CENPE: variants seen among roughly 807,000 people sequenced by gnomAD.
CENPE encodes centromere protein E.
A neutral mutation model predicts 336.1 loss-of-function variants in CENPE; 145 were observed. The observed-to-expected ratio is 0.43, with a 90% CI of 0.38 to 0.50. The LOEUF (loss-of-function observed/expected upper bound fraction) is 0.50, where lower values mean the gene tolerates loss of function less well. Among genes scored for constraint, CENPE ranks in the 20% least tolerant of loss-of-function variants. CENPE has a pLI of 0.00. For missense variants in CENPE, 2,719 were observed against 3,023.3 expected (o/e 0.90, Z 2.36); for synonymous variants, 1,013 against 984.8 (o/e 1.03, Z -0.54).
intron 8 of CENPE, among the ~76,000 whole-genome samples, chr4:103,191,697 T>C (rs1055143548): frequency 2.0e-5 from 3 of 151,422 alleles, no homozygotes; most frequent in South Asian, 4.2e-4. Context: ...CTAATGTAAA[T>C]GACGAGTTAA....
In CENPE at chr4:103,141,231, G is replaced by C. The variant is rs138381749; in HGVS notation, c.5464-127C>G. The C allele has an allele frequency of 2.5e-4, 147 of 598,044 alleles. No homozygotes were observed. In the East Asian group the frequency reaches 4.2e-3, roughly 17 times the overall value. The allele number at this position is 598,044 out of a possible 1,614,324, so 37.0% of individuals were successfully genotyped here. ...CTGATATCCTGCACAATTCCACACAGAATTTTACTTTCTTTTGAGGTATAA... is the reference window on the plus strand; with the variant it reads ...CTGATATCCTGCACAATTCCACACACAATTTTACTTTCTTTTGAGGTATAA... On this transcript the variant is annotated intron_variant, in intron 35 of 48. Coordinates refer to ENST00000265148, the MANE Select transcript of CENPE (RefSeq NM_001813.3).
In CENPE at chr4:103,140,863, T is replaced by C. The variant is rs1174904914; in HGVS notation, c.5705A>G (p.Lys1902Arg). 5 of 1,607,400 alleles carry C rather than the reference T, an allele frequency of 3.1e-6. No individual in the cohort carries two copies. In the African/African-American group the frequency reaches 5.4e-5, roughly 17 times the overall value. Residue 1902 changes from lysine (K) to arginine (R), a missense_variant, in exon 36 of 49, where the codon AAA becomes AGA. By Grantham distance (26) the Lys-to-Arg change is conservative. This residue lies in a region of CENPE where 2,437 missense variants were observed against 2,513.3 expected (regional missense o/e 0.97). Coordinates refer to ENST00000265148, the MANE Select transcript of CENPE (RefSeq NM_001813.3). The stretch of plus-strand genomic sequence containing the variant: ...TTCCTTGAGTTGGTCTCTCTCCAGT[T>C]TGAGTGTCTCCTCTACTCTTCTTAG... Reference protein sequence around the residue: ...DNLRRVEETLKLERDQLKESL... With the variant: ...DNLRRVEETLRLERDQLKESL...
At chr4:103,183,432 C>G (rs1756486711) in intron 9 of CENPE, 144 bp from the exon 10 acceptor site, 3 of 580,090 alleles carry the variant, frequency 5.2e-6, no homozygotes, top group Non-Finnish European at 9.0e-6. Context: ...TCTTTAATAT[C>G]AGTGGTAGAA....
chr4:103,139,812 T>A lies in CENPE; in HGVS notation c.6181A>T (p.Thr2061Ser). 6.2e-7 allele frequency: 1 copy of A among 1,610,330 alleles called. No individual in the cohort carries two copies. The highest frequency in any genetic ancestry group is 8.5e-7 in the Non-Finnish European group (1 of 1,178,704). ...LKMERDQFIA[T>S]LREMIARDRQ... Reference sequence around the variant, plus strand: ...ACTCTAGCTATCATTTCCCTTAAGGTTGCTATGAATTGGTCCCTTTCCATT... The same window carrying A: ...ACTCTAGCTATCATTTCCCTTAAGGATGCTATGAATTGGTCCCTTTCCATT... The change falls in exon 38 of 49, where the codon ACC becomes TCC. Residue 2061 changes from threonine to serine, a missense_variant. By Grantham distance (58) the Thr-to-Ser change is moderately conservative (BLOSUM62 1). Transcript: ENST00000265148.
chr4:103,123,008 T>C lies in CENPE; in HGVS notation c.7006A>G (p.Lys2336Glu), dbSNP rs1233024384. The change falls in exon 43 of 49, where the codon AAA (lysine) becomes GAA (glutamate). Residue 2336 changes from lysine (K) to glutamate (E), a missense_variant. Lys to Glu is a moderately conservative substitution (Grantham distance 56). Around this residue, in one of 5 missense-constraint regions of CENPE, gnomAD observed 2,437 missense variants for 2,513.3 expected, o/e 0.97. Transcript: ENST00000265148. ...TTAAATAGTTTTTCATTTTTCTCTT[T>C]CAGTGATTTCAGGTCCTGTTCCCAC... The part of the protein sequence containing the change: ...KEWEQDLKSL[K>E]EKNEKLFKNY... 6.2e-7 allele frequency: 1 copy of C among 1,613,964 alleles called. No homozygotes were observed. Among genetic ancestry groups the C allele is most frequent in the Non-Finnish European group, 8.5e-7 (1 of 1,179,852 alleles).
At chr4:103,146,906 CACTCAAAT>C (rs1187298839) in intron 29 of CENPE, among the ~76,000 whole-genome samples, 1 of 152,080 alleles carries the variant, frequency 6.6e-6, no homozygotes, top group African/African-American at 2.4e-5. Flanking sequence ...TTAAAATACA[CACTCAAAT>C]CAATAAGATT....
chr4:103,167,291 T>C (rs984599456), intron 16 of CENPE, among the ~76,000 whole-genome samples: 16 of 152,054 alleles, frequency 1.1e-4, no homozygotes, highest in Non-Finnish European at 1.2e-4. Context: ...AAATGTAATA[T>C]ACAAACTATA....
chr4:103,133,876 A>G lies in CENPE; in HGVS notation c.6539T>C (p.Val2180Ala), dbSNP rs1751833604. Residue 2180 changes from valine to alanine, a missense_variant, in exon 41 of 49, where the codon GTT (valine) becomes GCT (alanine). Val to Ala is a moderately conservative substitution (Grantham distance 64). Around this residue, in one of 5 missense-constraint regions of CENPE, gnomAD observed 2,437 missense variants for 2,513.3 expected, o/e 0.97. Coordinates refer to ENST00000265148, the MANE Select transcript of CENPE (RefSeq NM_001813.3). ...MKKLKYVLSYVTKIKEEQHES... is the reference protein window; with the variant it reads ...MKKLKYVLSYATKIKEEQHES... ...ATGTTGTTCTTCTTTTATTTTTGTAACATAGCTTAACACATACTTGCAGAA... is the reference window on the plus strand; with the variant it reads ...ATGTTGTTCTTCTTTTATTTTTGTAGCATAGCTTAACACATACTTGCAGAA... 6.3e-7 allele frequency: 1 copy of G among 1,578,426 alleles called. No individual in the cohort carries two copies. The highest frequency in any genetic ancestry group is 1.3e-5 in the African/African-American group (1 of 74,234).
chr4:103,132,700 C>A lies in CENPE; in HGVS notation c.6917G>T (p.Arg2306Ile). ...GCAAAAAGTAATACTTACAATTATT[C>A]TGTTATTAAAGAAGTTATTCACTTG... ...ICQVNNFFNN[R>I]IIAIMNESTE... The change falls in exon 42 of 49, where the codon AGA becomes ATA. Residue 2306 changes from arginine (R) to isoleucine (I), a missense_variant. Physicochemically the swap from Arg to Ile is moderately conservative, Grantham distance 97 (BLOSUM62 -3). This residue lies in a region of CENPE where 2,437 missense variants were observed against 2,513.3 expected (regional missense o/e 0.97). Transcript: ENST00000265148. 1 of 1,491,134 alleles carries A rather than the reference C, an allele frequency of 6.7e-7. No individual in the cohort carries two copies. Among genetic ancestry groups the A allele is most frequent in the South Asian group, 1.2e-5 (1 of 82,834 alleles). The allele number at this position is 1,491,134 out of a possible 1,614,324, so 92.4% of individuals were successfully genotyped here. A position where few individuals can be genotyped will look rare whatever the true frequency, so the allele number is the denominator to read the frequency against.
intron 16 of CENPE, 94 bp downstream of exon 16, chr4:103,174,642 A>T (rs960516730): frequency 1.2e-6 from 1 of 848,602 alleles, no homozygotes; most frequent in Non-Finnish European, 1.7e-6. Flanking sequence ...CTGTACATTT[A>T]AAAAAAATTA....
rs1249735611 is a variant in CENPE at position 103,146,120 on chromosome 4, A to G, written c.4135-13T>C. ...GAGACTCCTGGATCTTAAGAGAATC[A>G]TAAAACAGTACAGTTGATATCCAGA... On this transcript the variant is annotated splice_polypyrimidine_tract_variant and intron_variant, in intron 29 of 48. Coordinates refer to ENST00000265148, the MANE Select transcript of CENPE (RefSeq NM_001813.3). 6.2e-7 allele frequency: 1 copy of G among 1,608,194 alleles called. No individual in the cohort carries two copies. The highest frequency in any genetic ancestry group is 1.1e-5 in the South Asian group (1 of 90,246).
chr4:103,176,763 T>C, intron 14 of CENPE, 136 bp downstream of exon 14: 1 of 633,064 alleles, frequency 1.6e-6, no homozygotes. Context: ...TTTTAAATCA[T>C]AGTCTCCATT....
At position 103,143,260 on chromosome 4, in the gene CENPE, G is replaced by C; in HGVS notation, c.5292C>G (p.Ala1764=). 6.3e-7 allele frequency: 1 copy of C among 1,586,896 alleles called. No homozygotes were observed. Among genetic ancestry groups the C allele is most frequent in the Non-Finnish European group, 8.6e-7 (1 of 1,169,394 alleles). The change falls in exon 34 of 49, where the codon GCC becomes GCG. Residue 1764 remains alanine, a synonymous_variant. Transcript: ENST00000265148. ...MQKDLEHSND[A]LKAQDLKIQE... ...AAAAATAAAATACCTGTGCTTTTAA[G>C]GCATCATTTGAGTGTTCTAAGTCCT... is the stretch of plus-strand genomic sequence containing the variant.
chr4:103,136,278 C>T lies in CENPE; in HGVS notation c.6385G>A (p.Glu2129Lys), dbSNP rs924177573. The T allele has an allele frequency of 1.9e-6, 3 of 1,613,410 alleles. No individual in the cohort carries two copies. Among genetic ancestry groups the T allele is most frequent in the Non-Finnish European group, 2.5e-6 (3 of 1,179,752 alleles). ...RLSLDLEKEI[E>K]FQKELSMRVK... ...CTCATTGAAAGCTCTTTTTGGAATT[C>T]AATTTCCTTCTCCAAGTCAAGAGAC... is the stretch of plus-strand genomic sequence containing the variant. The change falls in exon 40 of 49, where the codon GAA becomes AAA. Residue 2129 changes from glutamate (E) to lysine (K), a missense_variant. Glu to Lys is a moderately conservative substitution (Grantham distance 56). Coordinates refer to ENST00000265148, the MANE Select transcript of CENPE (RefSeq NM_001813.3).
At position 103,187,576 on chromosome 4, in the gene CENPE, T is replaced by C. The variant is rs374681498; in HGVS notation, c.694-1715A>G. On this transcript the variant is annotated intron_variant, in intron 8 of 48. Transcript: ENST00000265148. ...CTTCATAAGTGAAGGAGAAATAAAA[T>C]ACTTTACAGACAAGCAAATGCTGAG... 4.6e-5 allele frequency among the ~76,000 whole-genome samples: 7 copies of C among 152,250 alleles called. No homozygotes were observed. The East Asian group carries it at 1.2e-3, about 25-fold the overall frequency.
intron 4 of CENPE, 55 bp from the exon 5 acceptor site, chr4:103,195,288 T>C: frequency 1.4e-6 from 2 of 1,473,614 alleles, no homozygotes; most frequent in Non-Finnish European, 1.8e-6. Flanking sequence ...TGTGAAAACC[T>C]AATGCTAAAT....
Position 103,106,172 on chromosome 4 carries a change from C to A in CENPE, c.*50G>T. 2 of 1,289,486 alleles carry A rather than the reference C, an allele frequency of 1.6e-6. No individual in the cohort carries two copies. Among genetic ancestry groups the A allele is most frequent in the South Asian group, 3.2e-5 (2 of 62,994 alleles). The allele number at this position is 1,289,486 out of a possible 1,614,324, so 79.9% of individuals were successfully genotyped here. A position where few individuals can be genotyped will look rare whatever the true frequency, so the allele number is the denominator to read the frequency against. ...CCAGGGATAGACACATAAACAAAGT[C>A]ATTTCCAAATAAGGAATGCTGGATC... is the stretch of plus-strand genomic sequence containing the variant. On this transcript the variant is annotated 3_prime_UTR_variant, in exon 49 of 49. Coordinates refer to ENST00000265148, the MANE Select transcript of CENPE (RefSeq NM_001813.3).
In CENPE at chr4:103,105,911, G is replaced by T; in HGVS notation, c.*311C>A. The stretch of plus-strand genomic sequence containing the variant: ...TATATTAATGTATGTATTATGCTTT[G>T]GAATATGCTAAGTCATGTAGATAAC... On this transcript the variant is annotated 3_prime_UTR_variant, in exon 49 of 49. Coordinates refer to ENST00000265148, the MANE Select transcript of CENPE (RefSeq NM_001813.3). 1 of 185,608 alleles carries T rather than the reference G, an allele frequency of 5.4e-6. No homozygotes were observed. The allele number at this position is 185,608 out of a possible 1,614,324, so 11.5% of individuals were successfully genotyped here. A position where few individuals can be genotyped will look rare whatever the true frequency, so the allele number is the denominator to read the frequency against.
chr4:103,167,828 A>T (rs1430619821), intron 16 of CENPE, among the ~76,000 whole-genome samples: 1 of 152,136 alleles, frequency 6.6e-6, no homozygotes, highest in Non-Finnish European at 1.5e-5. Context: ...TCTGCAACCA[A>T]AACTATCTGT....
Sources: gnomAD v4.1 joint callset for allele counts (sites outside exome capture counted in the v4.1 genomes callset) on GRCh38, gnomAD v4.1.1 for gene constraint, gnomAD v4.1.1 regional missense constraint, MANE v1.5 for transcripts, NCBI Gene and HGNC (gene_info 2026-07-23, HGNC 2026-07-21) for gene names.